The following IRF3 variants were observed in gnomAD, a reference collection of about 807,000 sequenced individuals.
IRF3 encodes the protein interferon regulatory factor 3.
A neutral mutation model predicts 43.2 loss-of-function variants in IRF3; 29 were observed. That is an observed-to-expected ratio of 0.67 (90% CI 0.50 to 0.91). IRF3 has a LOEUF of 0.91. Among genes scored for constraint, IRF3 ranks in the 40% least tolerant of loss-of-function variants. The pLI, the probability that IRF3 is intolerant of heterozygous loss-of-function variation, is 0.00. For missense variants in IRF3, 505 were observed against 559.1 expected, an observed-to-expected ratio of 0.90 and a Z score of 0.98; for synonymous variants, 228 against 233.9, an observed-to-expected ratio of 0.97 and a Z score of 0.23.
At position 49,664,668 on chromosome 19, in the gene IRF3, A is replaced by T. The variant is rs1344176694; in HGVS notation, c.165+6T>A. On this transcript the variant is annotated splice_donor_region_variant and intron_variant, in intron 2 of 7. Coordinates refer to ENST00000377139, the MANE Select transcript of IRF3 (RefSeq NM_001571.6). The stretch of plus-strand genomic sequence containing the variant: ...GGTTTCCAGCGTCCCAGGTCGTCGC[A>T]CGCACCTGGAAGATTCCGAAATCCT... 1 of 1,611,204 alleles carries T rather than the reference A, an allele frequency of 6.2e-7. No individual in the cohort carries two copies. The highest frequency in any genetic ancestry group is 1.7e-5 in the Admixed American group (1 of 59,938).
At position 49,662,154 on chromosome 19, in the gene IRF3, C is replaced by G; in HGVS notation, c.776G>C (p.Ser259Thr). The change falls in exon 6 of 8, where the codon AGC (serine) becomes ACC (threonine). Residue 259 changes from serine to threonine, a missense_variant. Ser to Thr is a moderately conservative substitution (Grantham distance 58). Coordinates refer to ENST00000377139, the MANE Select transcript of IRF3 (RefSeq NM_001571.6). ...GMSLTDRGVM[S>T]YVRHVLSCLG... Reference sequence around the variant, plus strand: ...GCAGCTCAGCACATGCCTCACGTAGCTCATCACTCCCCTGTCTGTCAGGGA... The same window carrying G: ...GCAGCTCAGCACATGCCTCACGTAGGTCATCACTCCCCTGTCTGTCAGGGA... 6.2e-7 allele frequency: 1 copy of G among 1,614,154 alleles called. No individual in the cohort carries two copies. Among genetic ancestry groups the G allele is most frequent in the Non-Finnish European group, 8.5e-7 (1 of 1,180,028 alleles).
chr19:49,662,745 C>T, intron 4 of IRF3, 128 bp from the exon 5 acceptor site: 2 of 757,014 alleles, frequency 2.6e-6, no homozygotes, highest in Non-Finnish European at 2.1e-6. Flanking sequence ...GGGCTTCCAG[C>T]CTGGGGACAG....
Position 49,659,922 on chromosome 19 carries a change from C to T in IRF3, c.1099-89G>A, listed in dbSNP as rs2081205802. On this transcript the variant is annotated intron_variant, in intron 7 of 7. Coordinates refer to ENST00000377139, the MANE Select transcript of IRF3 (RefSeq NM_001571.6). Reference sequence around the variant, plus strand: ...TCAGGGCTTGGAGGACTACAACTCCCTGCAGCCCCTGCTGTAACCTAGGAT... The same window carrying T: ...TCAGGGCTTGGAGGACTACAACTCCTTGCAGCCCCTGCTGTAACCTAGGAT... 6.5e-6 allele frequency: 9 copies of T among 1,391,216 alleles called. 1 individual carries two copies. In the South Asian group the frequency reaches 1.3e-4, roughly 20 times the overall value. 86.2% of individuals were successfully genotyped at this position (1,391,216 alleles called of 1,614,324 possible). A position where few individuals can be genotyped will look rare whatever the true frequency, so the allele number is the denominator to read the frequency against.
chr19:49,662,057 T>A lies in IRF3; in HGVS notation c.873A>T (p.Thr291=). The A allele has an allele frequency of 6.2e-7, 1 of 1,613,940 alleles. No individual in the cohort carries two copies. The change falls in exon 6 of 8, where the codon ACA becomes ACT. Residue 291 remains threonine (T), a synonymous_variant. Transcript: ENST00000377139. ...LWAQRLGHCH[T]YWAVSEELLP... is the part of the protein sequence containing the mutation. ...GCAGCTCCTCGCTCACTGCCCAGTA[T>A]GTGTGGCAGTGCCCCAGCCGCTGGG...
intron 6 of IRF3, chr19:49,661,621 C>T (rs1185744140): frequency 9.6e-6 from 2 of 208,622 alleles, no homozygotes; most frequent in East Asian, 1.1e-4. Flanking sequence ...TACTCTGTCA[C>T]CAGGCTAGAG....
Position 49,659,754 on chromosome 19 carries a change from A to G in IRF3, c.1178T>C (p.Leu393Pro). 6.2e-7 allele frequency: 1 copy of G among 1,613,874 alleles called. No individual in the cohort carries two copies. The highest frequency in any genetic ancestry group is 8.5e-7 in the Non-Finnish European group (1 of 1,179,900). Reference protein sequence around the residue: ...GASSLENTVDLHISNSHPLSL... With the variant: ...GASSLENTVDPHISNSHPLSL... ...GAGTGGGTGGCTGTTGGAAATGTGCAGGTCCACAGTATTCTCCAGGGAGGA... is the reference window on the plus strand; with the variant it reads ...GAGTGGGTGGCTGTTGGAAATGTGCGGGTCCACAGTATTCTCCAGGGAGGA... Residue 393 changes from leucine (L) to proline (P), a missense_variant, in exon 8 of 8, where the codon CTG becomes CCG. Physicochemically the swap from Leu to Pro is moderately conservative, Grantham distance 98. Transcript: ENST00000377139.
Position 49,659,637 on chromosome 19 carries a change from G to T in IRF3, c.*11C>A. Reference sequence around the variant, plus strand: ...CAGGGGGGTTGGAGGCACACCATGAGGAGCGAGGGCTCAGCTCTCCCCAGG... The same window carrying T: ...CAGGGGGGTTGGAGGCACACCATGATGAGCGAGGGCTCAGCTCTCCCCAGG... On this transcript the variant is annotated 3_prime_UTR_variant, in exon 8 of 8. Transcript: ENST00000377139. 1 of 1,608,794 alleles carries T rather than the reference G, an allele frequency of 6.2e-7. No homozygotes were observed. The highest frequency in any genetic ancestry group is 1.7e-5 in the Admixed American group (1 of 58,944).
In IRF3 at chr19:49,665,714, G is replaced by T. The variant is rs746495940; in HGVS notation, c.-92C>A. 9 of 1,414,056 alleles carry T rather than the reference G, an allele frequency of 6.4e-6. No homozygotes were observed. In the East Asian group the frequency reaches 1.9e-4, roughly 29 times the overall value. The allele number at this position is 1,414,056 out of a possible 1,614,324, so 87.6% of individuals were successfully genotyped here. On this transcript the variant is annotated 5_prime_UTR_variant, in exon 1 of 8. Transcript: ENST00000377139. ...GGGTAGCTCTCAAACTCGAGGCTGC[G>T]CACCCCCTTTCCCGTCAGCTGAGCT... is the stretch of plus-strand genomic sequence containing the variant.
chr19:49,662,722 C>A, intron 4 of IRF3, 105 bp from the exon 5 acceptor site: 3 of 963,028 alleles, frequency 3.1e-6, no homozygotes, highest in Non-Finnish European at 4.6e-6. Context: ...CAGGCTTGAG[C>A]TCTGCCTTCA....
chr19:49,662,172 G>T lies in IRF3; in HGVS notation c.758C>A (p.Thr253Lys). ...CACGTAGCTCATCACTCCCCTGTCT[G>T]TCAGGGACATGCCAGGGTCTGGCAG... The part of the protein sequence containing the change: ...VTLPDPGMSL[T>K]DRGVMSYVRH... Residue 253 changes from threonine (T) to lysine (K), a missense_variant, in exon 6 of 8, where the codon ACA becomes AAA. Coordinates refer to ENST00000377139, the MANE Select transcript of IRF3 (RefSeq NM_001571.6). 1.9e-6 allele frequency: 3 copies of T among 1,614,150 alleles called. No individual in the cohort carries two copies. Among genetic ancestry groups the T allele is most frequent in the Non-Finnish European group, 2.5e-6 (3 of 1,180,046 alleles).
Position 49,664,701 on chromosome 19 carries a change from T to A in IRF3, c.138A>T (p.Ala46=). 2 of 1,613,948 alleles carry A rather than the reference T, an allele frequency of 1.2e-6. No homozygotes were observed. The highest frequency in any genetic ancestry group is 1.7e-6 in the Non-Finnish European group (2 of 1,179,934). ...GGAAGATTCCGAAATCCTCCTGCTG[T>A]GCATCCTGCCGTAGGCCGTGCTTCC... is the stretch of plus-strand genomic sequence containing the variant. ...IPWKHGLRQD[A]QQEDFGIFQA... The change falls in exon 2 of 8, where the codon GCA becomes GCT. Residue 46 remains alanine, a synonymous_variant. Transcript: ENST00000377139.
intron 1 of IRF3, chr19:49,665,090 C>T: frequency 2.0e-6 from 1 of 491,338 alleles, no homozygotes; most frequent in Non-Finnish European, 3.6e-6. Context: ...TGCAGACCCT[C>T]CACTCCCTCA....
intron 2 of IRF3, among the ~76,000 whole-genome samples, chr19:49,664,098 T>G (rs368236412): frequency 1.3e-5 from 2 of 152,288 alleles, no homozygotes; most frequent in East Asian, 3.9e-4. Context: ...ACTCCTGGGC[T>G]CAAGCGATCC....
chr19:49,661,849 G>A (rs2081345235), intron 6 of IRF3, 99 bp downstream of exon 6: 4 of 1,421,176 alleles, frequency 2.8e-6, no homozygotes, highest in Admixed American at 2.2e-5. Context: ...AAAGTGCTGG[G>A]ACTACAGGCG....
rs2081353890 is a variant in IRF3 at position 49,662,019 on chromosome 19, C to T, written c.911G>A (p.Gly304Glu). 1 of 1,614,166 alleles carries T rather than the reference C, an allele frequency of 6.2e-7. No individual in the cohort carries two copies. The highest frequency in any genetic ancestry group is 8.5e-7 in the Non-Finnish European group (1 of 1,179,986). Reference protein sequence around the residue: ...AVSEELLPNSGHGPDGEVPKD... With the variant: ...AVSEELLPNSEHGPDGEVPKD... Reference sequence around the variant, plus strand: ...GGGGACCTCGCCATCAGGCCCATGCCCGCTGTTGGGGAGCAGCTCCTCGCT... The same window carrying T: ...GGGGACCTCGCCATCAGGCCCATGCTCGCTGTTGGGGAGCAGCTCCTCGCT... Residue 304 changes from glycine to glutamate, a missense_variant, in exon 6 of 8, where the codon GGG (glycine) becomes GAG (glutamate). Coordinates refer to ENST00000377139, the MANE Select transcript of IRF3 (RefSeq NM_001571.6).
intron 1 of IRF3, 30 bp downstream of exon 1, chr19:49,665,601 C>T (rs2081677109): frequency 5.2e-6 from 3 of 572,000 alleles, no homozygotes; most frequent in Non-Finnish European, 9.2e-6. Context: ...TCGGACGCCA[C>T]CAACGCTCTC....
At position 49,664,749 on chromosome 19, in the gene IRF3, G is replaced by T; in HGVS notation, c.90C>A (p.Ser30Arg). The change falls in exon 2 of 8, where the codon AGC (serine) becomes AGA (arginine). Residue 30 changes from serine (S) to arginine (R), a missense_variant. Ser to Arg is a moderately radical substitution (Grantham distance 110, BLOSUM62 -1). Transcript: ENST00000377139. ...TCCAAGGGATGCGGAAGCGCGTGCG[G>T]CTCTTGTTCACCCAGGCCACGCCCT... Reference protein sequence around the residue: ...QLEGVAWVNKSRTRFRIPWKH... With the variant: ...QLEGVAWVNKRRTRFRIPWKH... The T allele has an allele frequency of 1.9e-6, 3 of 1,614,062 alleles. No homozygotes were observed. The highest frequency in any genetic ancestry group is 1.7e-4 in the Middle Eastern group (1 of 6,060).
At chr19:49,664,967 G>A in intron 1 of IRF3, 121 bp from the exon 2 acceptor site, 2 of 1,100,616 alleles carry the variant, frequency 1.8e-6, no homozygotes, top group Non-Finnish European at 2.5e-6. Context: ...CCATATTTTC[G>A]GGGGTACAAA....
chr19:49,663,338 C>A lies in IRF3; in HGVS notation c.337+5G>T, dbSNP rs2081439712. On this transcript the variant is annotated splice_donor_5th_base_variant and intron_variant, in intron 3 of 7. Transcript: ENST00000377139. Reference sequence around the variant, plus strand: ...GCCTCCCACACGAACCCCAAGCTGGCAGACCTGAGTTCACAAACTCGTAGA... The same window carrying A: ...GCCTCCCACACGAACCCCAAGCTGGAAGACCTGAGTTCACAAACTCGTAGA... 1 of 1,614,188 alleles carries A rather than the reference C, an allele frequency of 6.2e-7. No individual in the cohort carries two copies. The highest frequency in any genetic ancestry group is 8.5e-7 in the Non-Finnish European group (1 of 1,180,000).
Sources: allele counts gnomAD v4.1 joint callset (sites outside exome capture counted in the v4.1 genomes callset), GRCh38; gene constraint gnomAD v4.1.1; transcripts MANE v1.5; gene names NCBI Gene and HGNC (gene_info 2026-07-23, HGNC 2026-07-21).